The following TCP1 variants were observed in gnomAD, a reference collection of about 807,000 sequenced individuals.
TCP1 encodes the protein T-complex protein 1 subunit alpha.
In TCP1, 6 loss-of-function variants were observed where a neutral mutation model predicts 54.7. The ratio of observed to expected loss-of-function variants is 0.11; its 90% CI spans 0.06 to 0.22. The LOEUF (loss-of-function observed/expected upper bound fraction) is 0.22, where lower values mean the gene tolerates loss of function less well. Ranked by LOEUF, TCP1 falls within the 10% of genes least tolerant of loss-of-function variation. The probability of loss-of-function intolerance (pLI) is 1.00; values close to 1 mark genes in which losing one functional copy is unlikely to be tolerated. For synonymous variants in TCP1, 225 were observed against 229.7 expected (o/e 0.98, Z 0.19); for missense variants, 511 against 678.2 (o/e 0.75, Z 2.74).
chr6:159,789,580 C>A lies in TCP1; in HGVS notation c.-112G>T. 7.5e-7 allele frequency: 1 copy of A among 1,328,172 alleles called. No homozygotes were observed. Among genetic ancestry groups the A allele is most frequent in the Non-Finnish European group, 1.1e-6 (1 of 943,596 alleles). The allele number at this position is 1,328,172 out of a possible 1,614,324, so 82.3% of individuals were successfully genotyped here. Reference sequence around the variant, plus strand: ...TGGCTGCGACGGCGTGGAGCGTACCCGAGCGATGTCCCAGGAGCTACTGGG... The same window carrying A: ...TGGCTGCGACGGCGTGGAGCGTACCAGAGCGATGTCCCAGGAGCTACTGGG... On this transcript the variant is annotated 5_prime_UTR_variant, in exon 1 of 12. Transcript: ENST00000321394.
At chr6:159,779,815 A>G (rs1780527627) in intron 10 of TCP1, 25 bp from the exon 11 acceptor site, 8 of 1,585,188 alleles carry the variant, frequency 5.0e-6, no homozygotes, top group Non-Finnish European at 6.8e-6. Flanking sequence ...AAATTAGGTG[A>G]CTTCACAAAA....
At chr6:159,784,089 A>C (rs1484755554) in intron 6 of TCP1, 22 bp from the exon 7 acceptor site, 3 of 1,609,060 alleles carry the variant, frequency 1.9e-6, no homozygotes, top group Non-Finnish European at 2.5e-6. Context: ...CATAAGATTA[A>C]GTTAATACGT....
Position 159,785,355 on chromosome 6 carries a change from T to C in TCP1, c.488+31A>G, listed in dbSNP as rs749299289. The C allele has an allele frequency of 5.2e-6, 8 of 1,549,008 alleles. No individual in the cohort carries two copies. In the East Asian group the frequency reaches 9.0e-5, roughly 17 times the overall value. ...TCTCAAAGTCTTATGCTTTAAAAAG[T>C]CTAAATTTTATCTGACAACCACAAG... is the stretch of plus-strand genomic sequence containing the variant. On this transcript the variant is annotated intron_variant, in intron 5 of 11. Coordinates refer to ENST00000321394, the MANE Select transcript of TCP1 (RefSeq NM_030752.3).
At position 159,787,931 on chromosome 6, in the gene TCP1, A is replaced by G. The variant is rs772786993; in HGVS notation, c.151-60T>C. On this transcript the variant is annotated intron_variant, in intron 2 of 11. Coordinates refer to ENST00000321394, the MANE Select transcript of TCP1 (RefSeq NM_030752.3). ...ATAGAAATCAACACAGCCCCATTATAATACACGTTCACCTTTAATATCACC... is the reference window on the plus strand; with the variant it reads ...ATAGAAATCAACACAGCCCCATTATGATACACGTTCACCTTTAATATCACC... The G allele has an allele frequency of 1.9e-6, 3 of 1,609,210 alleles. No homozygotes were observed. In the Admixed American group the frequency reaches 5.0e-5, roughly 27 times the overall value.
intron 1 of TCP1, 135 bp downstream of exon 1, chr6:159,789,270 G>T: frequency 1.0e-6 from 1 of 970,478 alleles, no homozygotes; most frequent in Non-Finnish European, 1.5e-6. Flanking sequence ...CGGCGGGTGG[G>T]CTGGGTCCGG....
chr6:159,781,621 A>G (rs922501075), intron 7 of TCP1, among the ~76,000 whole-genome samples: 5 of 152,108 alleles, frequency 3.3e-5, no homozygotes, highest in African/African-American at 1.2e-4. Context: ...AAATACAAAA[A>G]ATTAGTTGGG....
chr6:159,785,487 C>T lies in TCP1; in HGVS notation c.387G>A (p.Val129=), dbSNP rs1414870900. 3 of 1,612,644 alleles carry T rather than the reference C, an allele frequency of 1.9e-6. No homozygotes were observed. The highest frequency in any genetic ancestry group is 8.5e-7 in the Non-Finnish European group (1 of 1,178,978). Reference sequence around the variant, plus strand: ...CAATTAGGTTTTCATTGATATAACGCACTGCTTCCCTGTTTAAAAGTGTGG... The same window carrying T: ...CAATTAGGTTTTCATTGATATAACGTACTGCTTCCCTGTTTAAAAGTGTGG... ...SGYRLACKEA[V]RYINENLIVN... Residue 129 remains valine (V), a synonymous_variant, in exon 5 of 12, where the codon GTG becomes GTA. Transcript: ENST00000321394.
chr6:159,787,588 G>A (rs571513470), intron 3 of TCP1, among the ~76,000 whole-genome samples, 155 bp downstream of exon 3: 2 of 144,180 alleles, frequency 1.4e-5, no homozygotes, highest in Admixed American at 1.4e-4. Flanking sequence ...TCTTAAATGT[G>A]TAACTTCTTT....
rs775278587 is a variant in TCP1, at chr6:159,779,311, G to T, written c.1455-50C>A. The T allele has an allele frequency of 5.3e-6, 8 of 1,503,176 alleles. No individual in the cohort carries two copies. In the Admixed American group the frequency reaches 6.8e-5, roughly 13 times the overall value. 93.1% of individuals were successfully genotyped at this position (1,503,176 alleles called of 1,614,324 possible). A position where few individuals can be genotyped will look rare whatever the true frequency, so the allele number is the denominator to read the frequency against. On this transcript the variant is annotated intron_variant, in intron 11 of 11. Coordinates refer to ENST00000321394, the MANE Select transcript of TCP1 (RefSeq NM_030752.3). ...ACGGCCGCTTACAATTTCATTAGGT[G>T]GCCTATTAACTCCAGCATTTCATTC...
rs1780564125 is a variant in TCP1 at position 159,781,008 on chromosome 6, A to ATAT, written c.899_900insATA (p.Phe300delinsLeuTyr). The ATAT allele has an allele frequency of 6.2e-7, 1 of 1,613,636 alleles. No homozygotes were observed. The highest frequency in any genetic ancestry group is 8.5e-7 in the Non-Finnish European group (1 of 1,179,850). On this transcript the variant is annotated protein_altering_variant, in exon 8 of 12. Coordinates refer to ENST00000321394, the MANE Select transcript of TCP1 (RefSeq NM_030752.3). ...TAACTGCCATAGCACCAGCCTCCAC[A>ATAT]AAATACTTCAGACACATATCATCAA... is the stretch of plus-strand genomic sequence containing the variant.
At chr6:159,783,587 A>G (rs1485451335) in intron 7 of TCP1, among the ~76,000 whole-genome samples, 8 of 152,168 alleles carry the variant, frequency 5.3e-5, no homozygotes, top group Admixed American at 2.6e-4. Context: ...AGTCAAATCT[A>G]TAGCAATGGT....
chr6:159,780,899 A>G (rs764267916), intron 8 of TCP1, 36 bp downstream of exon 8: 7 of 1,554,848 alleles, frequency 4.5e-6, no homozygotes, highest in East Asian at 2.3e-5. Flanking sequence ...CAGGGATAAT[A>G]AAAGTATTTT....
At chr6:159,785,529 TA>T (rs1780674648) in intron 4 of TCP1, 33 bp from the exon 5 acceptor site, 1 of 1,499,148 alleles carries the variant, frequency 6.7e-7, no homozygotes, top group South Asian at 1.1e-5. Flanking sequence ...AAAACGCTTA[TA>T]AAGTCACTAC....
chr6:159,788,198 AAG>A, intron 1 of TCP1, 55 bp from the exon 2 acceptor site: 1 of 1,539,408 alleles, frequency 6.5e-7, no homozygotes, highest in African/African-American at 1.4e-5. Context: ...ACAACTCTGA[AAG>A]ACAGTAATTT....
chr6:159,782,526 C>T (rs927393514), intron 7 of TCP1, among the ~76,000 whole-genome samples: 1 of 152,128 alleles, frequency 6.6e-6, no homozygotes, highest in Non-Finnish European at 1.5e-5. Flanking sequence ...AGAAATCAAG[C>T]GGTCTTGGTG....
chr6:159,788,104 G>T lies in TCP1; in HGVS notation c.104C>A (p.Ser35Tyr). Reference protein sequence around the residue: ...AASIANIVKSSLGPVGLDKML... With the variant: ...AASIANIVKSYLGPVGLDKML... Reference sequence around the variant, plus strand: ...TTTATCCAAGCCAACTGGACCAAGAGAACTTTTTACAATATTGGCAATCGA... The same window carrying T: ...TTTATCCAAGCCAACTGGACCAAGATAACTTTTTACAATATTGGCAATCGA... The change falls in exon 2 of 12, where the codon TCT becomes TAT. Residue 35 changes from serine (S) to tyrosine (Y), a missense_variant. Around this residue, in one of 5 missense-constraint regions of TCP1, gnomAD observed 54 missense variants for 111.8 expected, o/e 0.48. Coordinates refer to ENST00000321394, the MANE Select transcript of TCP1 (RefSeq NM_030752.3). 1 of 1,614,056 alleles carries T rather than the reference G, an allele frequency of 6.2e-7. No homozygotes were observed. The highest frequency in any genetic ancestry group is 1.1e-5 in the South Asian group (1 of 91,060).
At chr6:159,779,857 G>A in intron 10 of TCP1, 38 bp downstream of exon 10, 1 of 1,605,826 alleles carries the variant, frequency 6.2e-7, no homozygotes, top group Non-Finnish European at 8.5e-7. Context: ...CACAGCTACT[G>A]CTCTCAGGCC....
Position 159,789,551 on chromosome 6 carries a change from G to A in TCP1, c.-83C>T. The A allele has an allele frequency of 1.3e-6, 2 of 1,522,136 alleles. No homozygotes were observed. The highest frequency in any genetic ancestry group is 2.7e-5 in the African/African-American group (2 of 72,794). 94.3% of individuals were successfully genotyped at this position (1,522,136 alleles called of 1,614,324 possible). ...GCCCCTCGGCCGACCGGCGACCACAGCAGTGGCTGCGACGGCGTGGAGCGT... is the reference window on the plus strand; with the variant it reads ...GCCCCTCGGCCGACCGGCGACCACAACAGTGGCTGCGACGGCGTGGAGCGT... On this transcript the variant is annotated 5_prime_UTR_variant, in exon 1 of 12. Coordinates refer to ENST00000321394, the MANE Select transcript of TCP1 (RefSeq NM_030752.3).
Position 159,784,061 on chromosome 6 carries a change from G to A in TCP1, c.677C>T (p.Pro226Leu). The A allele has an allele frequency of 6.2e-7, 1 of 1,612,746 alleles. No homozygotes were observed. Among genetic ancestry groups the A allele is most frequent in the South Asian group, 1.1e-5 (1 of 90,800 alleles). Residue 226 changes from proline to leucine, a missense_variant, in exon 7 of 12, where the codon CCC becomes CTC. Pro to Leu is a moderately conservative substitution (Grantham distance 98, BLOSUM62 -3). This residue lies in a region of TCP1 where 305 missense variants were observed against 352.8 expected (regional missense o/e 0.86). Coordinates refer to ENST00000321394, the MANE Select transcript of TCP1 (RefSeq NM_030752.3). The stretch of plus-strand genomic sequence containing the variant: ...AATTTTTGCATTTACGATTCTCTTG[G>A]GCATGCCTACAATTGAACATAAGAT... ...LNCVVGSQGM[P>L]KRIVNAKIAC...
Sources: allele counts gnomAD v4.1 joint callset (sites outside exome capture counted in the v4.1 genomes callset), GRCh38; gene constraint gnomAD v4.1.1; regional missense constraint gnomAD v4.1.1; transcripts MANE v1.5; gene names NCBI Gene and HGNC (gene_info 2026-07-23, HGNC 2026-07-21).